CENPK: variants seen among roughly 807,000 people sequenced by gnomAD.
The protein encoded by CENPK is SoxLZ/Sox6-binding protein Solt.
A neutral mutation model predicts 40.9 loss-of-function variants in CENPK; 46 were observed. That is an observed-to-expected ratio of 1.13 (90% CI 0.89 to 1.44). The LOEUF (loss-of-function observed/expected upper bound fraction) is 1.44, where lower values mean the gene tolerates loss of function less well. Ranked by LOEUF, CENPK falls within the 40% of genes most tolerant of loss-of-function variation. The probability of loss-of-function intolerance (pLI) is 0.00; values close to 1 mark genes in which losing one functional copy is unlikely to be tolerated. For synonymous variants in CENPK, 107 were observed against 104.4 expected, an observed-to-expected ratio of 1.02 and a Z score of -0.15; for missense variants, 288 against 303.5, an observed-to-expected ratio of 0.95 and a Z score of 0.38.
At chr5:65,549,572 T>C (rs996409960) in intron 5 of CENPK, among the ~76,000 whole-genome samples, 4 of 152,234 alleles carry the variant, frequency 2.6e-5, no homozygotes, top group African/African-American at 9.6e-5. Flanking sequence ...TCAAGTATCT[T>C]AGCTAGATCT....
At chr5:65,514,378 C>T (rs1220311498), downstream of CENPK, among the ~76,000 whole-genome samples, 1 of 151,534 alleles carries the variant, frequency 6.6e-6, no homozygotes, top group African/African-American at 2.4e-5. Flanking sequence ...GATTCTTTTG[C>T]CTCAGCCTCC....
chr5:65,528,438 T>C lies in CENPK; in HGVS notation c.597+14A>G, dbSNP rs758950351. 1 of 1,574,908 alleles carries C rather than the reference T, an allele frequency of 6.3e-7. No homozygotes were observed. Among genetic ancestry groups the C allele is most frequent in the African/African-American group, 1.4e-5 (1 of 72,308 alleles). On this transcript the variant is annotated intron_variant, in intron 9 of 10. Transcript: ENST00000396679. The stretch of plus-strand genomic sequence containing the variant: ...AATATGATAATTTACATAAATGTCT[T>C]CTCTAAAACTTACCTTTTTCTTTTT...
At chr5:65,542,774 GT>G in intron 6 of CENPK, 27 bp downstream of exon 6, 1 of 1,558,016 alleles carries the variant, frequency 6.4e-7, no homozygotes, top group East Asian at 2.3e-5. Context: ...ATTATTTGGG[GT>G]CACTACAAAT....
chr5:65,535,503 C>A (rs62369006), intron 6 of CENPK, among the ~76,000 whole-genome samples: 11,279 of 152,154 alleles, frequency 0.074, 428 homozygotes, highest in East Asian at 0.096. Flanking sequence ...TTACTCTATG[C>A]GGATGGAGTA....
At chr5:65,535,220 A>T (rs756608496) in intron 6 of CENPK, among the ~76,000 whole-genome samples, 9 of 152,138 alleles carry the variant, frequency 5.9e-5, no homozygotes, top group African/African-American at 1.2e-4. Flanking sequence ...TGACAGAACA[A>T]AACCCTGTCG....
intron 5 of CENPK, among the ~76,000 whole-genome samples, chr5:65,545,364 ACACACACACACACACACG>A (rs1748731169): frequency 8.4e-6 from 1 of 119,080 alleles, no homozygotes; most frequent in Non-Finnish European, 1.9e-5. Flanking sequence ...ACACACACAC[ACACACACACACACACACG>A]CCTTCTCTAT....
chr5:65,552,461 C>T (rs199850162), intron 4 of CENPK, 32 bp downstream of exon 4: 71 of 1,381,162 alleles, frequency 5.1e-5, no homozygotes, highest in Non-Finnish European at 6.6e-5. Flanking sequence ...TTCCACTTAC[C>T]TTGTATTTTT....
the CENPK span, among the ~76,000 whole-genome samples, chr5:65,507,920 A>G: frequency 1.3e-5 from 2 of 152,222 alleles, no homozygotes; most frequent in African/African-American, 4.8e-5. Flanking sequence ...GTTATTTCAT[A>G]GGATAAACTT....
the CENPK span, among the ~76,000 whole-genome samples, chr5:65,506,349 C>CAAA: frequency 1.5e-5 from 2 of 132,716 alleles, no homozygotes; most frequent in Non-Finnish European, 1.6e-5. Context: ...GAACTTATCT[C>CAAA]AAAAAAAAAA....
In CENPK at chr5:65,551,618, G is replaced by T. The variant is rs1750066060; in HGVS notation, c.187C>A (p.Gln63Lys). 2 of 1,567,224 alleles carry T rather than the reference G, an allele frequency of 1.3e-6. No individual in the cohort carries two copies. Among genetic ancestry groups the T allele is most frequent in the Non-Finnish European group, 1.7e-6 (2 of 1,150,708 alleles). ...AGTTCAGCGGTTAAACATTTTACTTGCATAATTAACAATGATAGCTACAAA... is the reference window on the plus strand; with the variant it reads ...AGTTCAGCGGTTAAACATTTTACTTTCATAATTAACAATGATAGCTACAAA... ...SNAQLSLLIM[Q>K]VKCLTAELSQ... Residue 63 changes from glutamine (Q) to lysine (K), a missense_variant, in exon 5 of 11, where the codon CAA becomes AAA. Physicochemically the swap from Gln to Lys is moderately conservative, Grantham distance 53 (BLOSUM62 1). Transcript: ENST00000396679.
At chr5:65,533,989 A>G (rs549184755) in intron 6 of CENPK, among the ~76,000 whole-genome samples, 42 of 141,166 alleles carry the variant, frequency 3.0e-4, no homozygotes, top group African/African-American at 1.1e-3. Flanking sequence ...TGGAGCTTGC[A>G]GTGAGCTCAG....
At chr5:65,529,456 G>T in intron 6 of CENPK, 1 of 331,336 alleles carries the variant, frequency 3.0e-6, no homozygotes. Flanking sequence ...ATAATGGTGT[G>T]TTTTCAGTAA....
At chr5:65,557,112 T>C (rs919006923) in intron 2 of CENPK, among the ~76,000 whole-genome samples, 1 of 152,058 alleles carries the variant, frequency 6.6e-6, no homozygotes, top group Non-Finnish European at 1.5e-5. Flanking sequence ...ACCAACTGAA[T>C]AGTCTGAGAA....
chr5:65,558,848 T>A (rs1295127353), intron 2 of CENPK, among the ~76,000 whole-genome samples: 1 of 152,182 alleles, frequency 6.6e-6, no homozygotes, highest in East Asian at 1.9e-4. Context: ...AGTTATTGGA[T>A]CATCTATAAG....
At chr5:65,503,888 C>T in the CENPK span, among the ~76,000 whole-genome samples, 2 of 151,776 alleles carry the variant, frequency 1.3e-5, no homozygotes, top group Admixed American at 6.6e-5. Context: ...GAACTCCTGA[C>T]CTCGTGATCC....
At chr5:65,540,628 G>A (rs781431182) in intron 6 of CENPK, among the ~76,000 whole-genome samples, 2 of 152,022 alleles carry the variant, frequency 1.3e-5, no homozygotes, top group Non-Finnish European at 2.9e-5. Flanking sequence ...TTAATCAATC[G>A]TACCTACATA....
chr5:65,551,775 T>C, intron 4 of CENPK, 139 bp from the exon 5 acceptor site: 1 of 444,726 alleles, frequency 2.2e-6, no homozygotes, highest in Non-Finnish European at 4.1e-6. Flanking sequence ...GAGGCAACTT[T>C]ATTTTAATTC....
the CENPK span, among the ~76,000 whole-genome samples, chr5:65,508,587 C>A: frequency 6.6e-6 from 1 of 151,978 alleles, no homozygotes; most frequent in African/African-American, 2.4e-5. Flanking sequence ...GAGTTCGACA[C>A]CAGCCTGGCC....
At chr5:65,517,537 T>G (rs1030462727), downstream of CENPK, among the ~76,000 whole-genome samples, 27 of 152,322 alleles carry the variant, frequency 1.8e-4, no homozygotes, top group African/African-American at 6.3e-4. Flanking sequence ...TTGTTTACTT[T>G]AGAAAATATG....
Sources: allele counts gnomAD v4.1 joint callset (sites outside exome capture counted in the v4.1 genomes callset), GRCh38; gene constraint gnomAD v4.1.1; transcripts MANE v1.5; gene names NCBI Gene and HGNC (gene_info 2026-07-23, HGNC 2026-07-21).